The following ITPR3 variants were observed in gnomAD, a reference collection of about 807,000 sequenced individuals.
ITPR3 encodes the protein inositol 1,4,5-trisphosphate receptor type 3, also known as inositol 1,4,5-trisphosphate-gated calcium channel ITPR3.
In ITPR3, 173 loss-of-function variants were observed where a neutral mutation model predicts 293.2. That is an observed-to-expected ratio of 0.59 (90% CI 0.52 to 0.67). The LOEUF is 0.67. ITPR3 is among the 30% of genes least tolerant of loss of function. The pLI is 0.00. For synonymous variants in ITPR3, 1,295 were observed against 1,444.4 expected, an observed-to-expected ratio of 0.90 and a Z score of 2.35; for missense variants, 2,796 against 3,592.1, an observed-to-expected ratio of 0.78 and a Z score of 5.66.
chr6:33,671,053 C>A (rs1764747610), intron 20 of ITPR3, 112 bp from the exon 21 acceptor site: 2 of 1,521,866 alleles, frequency 1.3e-6, no homozygotes, highest in South Asian at 1.2e-5. Context: ...GGAACCCCGT[C>A]CTCATGACGC....
In ITPR3 at chr6:33,678,492, C is replaced by G; in HGVS notation, c.3720C>G (p.Pro1240=). The part of the protein sequence containing the change: ...QFLQKFCAGN[P]GNQALLHKHL... The stretch of plus-strand genomic sequence containing the variant: ...TGCAGAAGTTCTGTGCAGGGAACCC[C>G]GGCAACCAGGCCCTGCTGCACAAAC... Residue 1240 remains proline (P), a synonymous_variant, in exon 29 of 58, where the codon CCC becomes CCG. Coordinates refer to ENST00000605930, the MANE Select transcript of ITPR3 (RefSeq NM_002224.4). The G allele has an allele frequency of 6.2e-7, 1 of 1,613,308 alleles. No individual in the cohort carries two copies. Among genetic ancestry groups the G allele is most frequent in the Non-Finnish European group, 8.5e-7 (1 of 1,179,942 alleles).
Position 33,638,582 on chromosome 6 carries a change from A to G in ITPR3, c.90-1902A>G, listed in dbSNP as rs1763876998. 6.6e-6 allele frequency among the ~76,000 whole-genome samples: 1 copy of G among 152,264 alleles called. No individual in the cohort carries two copies. The highest frequency in any genetic ancestry group is 2.1e-4 in the South Asian group (1 of 4,834). ...TTTCAGGAACTGCATACAAAAATCT[A>G]AACATTGTAACTCTTCTTGCCTTTA... On this transcript the variant is annotated intron_variant, in intron 1 of 57. Transcript: ENST00000605930. This position sits in a 1 kb window ranked among gnomAD's most constrained non-coding sequence, Gnocchi z 4.3.
chr6:33,642,904 C>T (rs752425744), intron 2 of ITPR3, among the ~76,000 whole-genome samples: 6 of 152,236 alleles, frequency 3.9e-5, no homozygotes, highest in Non-Finnish European at 8.8e-5. Flanking sequence ...TCTGGACTCC[C>T]TATGGCCCTG....
chr6:33,686,860 C>T, intron 43 of ITPR3, 149 bp from the exon 44 acceptor site: 1 of 679,378 alleles, frequency 1.5e-6, no homozygotes, highest in Non-Finnish European at 2.5e-6. Flanking sequence ...GGATGCTTCT[C>T]ATTAAGCCGG....
At position 33,685,536 on chromosome 6, in the gene ITPR3, C is replaced by T; in HGVS notation, c.5482+3C>T. ...GCCAGTCGACCCCACCACCAAAGGTCAGGGGTCTGAGGCAGAGGCACGGCG... is the reference window on the plus strand; with the variant it reads ...GCCAGTCGACCCCACCACCAAAGGTTAGGGGTCTGAGGCAGAGGCACGGCG... On this transcript the variant is annotated splice_donor_region_variant and intron_variant, in intron 40 of 57. Transcript: ENST00000605930. The T allele has an allele frequency of 2.5e-6, 4 of 1,612,272 alleles. No individual in the cohort carries two copies. Among genetic ancestry groups the T allele is most frequent in the Non-Finnish European group, 3.4e-6 (4 of 1,178,630 alleles).
In ITPR3 at chr6:33,621,845, A is replaced by T. The variant is rs1456520225; in HGVS notation, c.89+154A>T. Reference sequence around the variant, plus strand: ...AACGGCTCGCCTCCTTCTTTTACAGAAAGGAAGTGAAGTGTTTGCTCAGGT... The same window carrying T: ...AACGGCTCGCCTCCTTCTTTTACAGTAAGGAAGTGAAGTGTTTGCTCAGGT... On this transcript the variant is annotated intron_variant, in intron 1 of 57. Transcript: ENST00000605930. The surrounding 1 kb of genome is among the most constrained non-coding windows in gnomAD (Gnocchi z 7.7). Among the ~76,000 whole-genome samples, 1 of 152,074 alleles carries T rather than the reference A, an allele frequency of 6.6e-6. No homozygotes were observed. Among genetic ancestry groups the T allele is most frequent in the Non-Finnish European group, 1.5e-5 (1 of 67,992 alleles).
rs1268803738 is a variant in ITPR3 at position 33,683,341 on chromosome 6, C to T, written c.4732C>T (p.Arg1578Cys). Reference protein sequence around the residue: ...SYKATTRAFPRVTPTANQWDY... With the variant: ...SYKATTRAFPCVTPTANQWDY... ...CAAGGCAACCACGCGGGCCTTCCCCCGCGTCACCCCCACCGCCAACCAGTG... is the reference window on the plus strand; with the variant it reads ...CAAGGCAACCACGCGGGCCTTCCCCTGCGTCACCCCCACCGCCAACCAGTG... The change falls in exon 35 of 58, where the codon CGC (arginine) becomes TGC (cysteine). Residue 1578 changes from arginine (R) to cysteine (C), a missense_variant. Physicochemically the swap from Arg to Cys is radical, Grantham distance 180. Coordinates refer to ENST00000605930, the MANE Select transcript of ITPR3 (RefSeq NM_002224.4). The surrounding 1 kb of genome is among the most constrained non-coding windows in gnomAD (Gnocchi z 4.5). 1.9e-6 allele frequency: 3 copies of T among 1,595,634 alleles called. No individual in the cohort carries two copies. The highest frequency in any genetic ancestry group is 1.7e-6 in the Non-Finnish European group (2 of 1,171,754).
In ITPR3 at chr6:33,658,894, G is replaced by A; in HGVS notation, c.528+66G>A. 3.1e-6 allele frequency: 5 copies of A among 1,604,776 alleles called. No homozygotes were observed. The highest frequency in any genetic ancestry group is 3.4e-6 in the Non-Finnish European group (4 of 1,173,586). On this transcript the variant is annotated intron_variant, in intron 5 of 57. Coordinates refer to ENST00000605930, the MANE Select transcript of ITPR3 (RefSeq NM_002224.4). This position sits in a 1 kb window ranked among gnomAD's most constrained non-coding sequence, Gnocchi z 6.1. ...CCGAGGGGCTTCTGTAGGGTCTTCG[G>A]TGTGGGGACTGGATAAGGGCATGCC... is the stretch of plus-strand genomic sequence containing the variant.
rs931839864 is a variant in ITPR3 at position 33,638,554 on chromosome 6, C to G, written c.90-1930C>G. On this transcript the variant is annotated intron_variant, in intron 1 of 57. Coordinates refer to ENST00000605930, the MANE Select transcript of ITPR3 (RefSeq NM_002224.4). The surrounding 1 kb of genome is among the most constrained non-coding windows in gnomAD (Gnocchi z 4.3). ...CCATTTCATCTTTATTGCTTCCGAT[C>G]TATTTCAGGAACTGCATACAAAAAT... Among the ~76,000 whole-genome samples the G allele has an allele frequency of 1.3e-5, 2 of 152,232 alleles. No homozygotes were observed. The highest frequency in any genetic ancestry group is 4.8e-5 in the African/African-American group (2 of 41,464).
intron 2 of ITPR3, among the ~76,000 whole-genome samples, chr6:33,645,925 C>T (rs1764055260): frequency 6.6e-6 from 1 of 152,050 alleles, no homozygotes; most frequent in Non-Finnish European, 1.5e-5. Flanking sequence ...GCAACCTCTG[C>T]CTCCTGGATT....
rs558908680 is a variant in ITPR3 at position 33,673,461 on chromosome 6, C to A, written c.2929-130C>A. The A allele has an allele frequency of 1.0e-4, 118 of 1,167,172 alleles. 1 individual carries two copies. In the South Asian group the frequency reaches 1.0e-3, roughly 10 times the overall value. 72.3% of individuals were successfully genotyped at this position (1,167,172 alleles called of 1,614,324 possible). ...GCATCCCAAATGACTGTGCTGAGGA[C>A]CCTGCTGCCCCAAGTGCTAGAGCCT... is the stretch of plus-strand genomic sequence containing the variant. On this transcript the variant is annotated intron_variant, in intron 22 of 57. Coordinates refer to ENST00000605930, the MANE Select transcript of ITPR3 (RefSeq NM_002224.4).
chr6:33,695,178 A>C, intron 57 of ITPR3, 93 bp downstream of exon 57: 3 of 1,387,308 alleles, frequency 2.2e-6, no homozygotes, highest in Non-Finnish European at 3.0e-6. Flanking sequence ...CCTCTTCCCC[A>C]CTGGCCTCTG....
rs769011935 is a variant in ITPR3 at position 33,685,517 on chromosome 6, C to T, written c.5466C>T (p.Val1822=). Residue 1822 remains valine, a synonymous_variant, in exon 40 of 58, where the codon GTC becomes GTT. Coordinates refer to ENST00000605930, the MANE Select transcript of ITPR3 (RefSeq NM_002224.4). ...GSQPHEDREP[V]DPTTKGRVAS... ...AGCCACATGAGGACCGCGAGCCAGT[C>T]GACCCCACCACCAAAGGTCAGGGGT... 9 of 1,613,278 alleles carry T rather than the reference C, an allele frequency of 5.6e-6. No individual in the cohort carries two copies. Among genetic ancestry groups the T allele is most frequent in the East Asian group, 4.5e-5 (2 of 44,856 alleles).
In ITPR3 at chr6:33,632,306, C is replaced by T. The variant is rs976543445; in HGVS notation, c.90-8178C>T. Among the ~76,000 whole-genome samples the T allele has an allele frequency of 2.6e-5, 4 of 152,178 alleles. No homozygotes were observed. Among genetic ancestry groups the T allele is most frequent in the African/African-American group, 7.2e-5 (3 of 41,436 alleles). On this transcript the variant is annotated intron_variant, in intron 1 of 57. Transcript: ENST00000605930. The surrounding 1 kb of genome is among the most constrained non-coding windows in gnomAD (Gnocchi z 4.1). ...GTCATTCCCCCAGTCTGTCATTCCC[C>T]CTCCCATGGTGCTCTGATGGTGGCC...
intron 1 of ITPR3, among the ~76,000 whole-genome samples, chr6:33,626,892 G>C (rs1308195234): frequency 6.6e-6 from 1 of 152,088 alleles, no homozygotes; most frequent in East Asian, 1.9e-4. Context: ...CACAACCTTC[G>C]CCTCCCAGGT....
chr6:33,684,748 C>T lies in ITPR3; in HGVS notation c.5138-26C>T, dbSNP rs1227143315. The T allele has an allele frequency of 1.9e-6, 3 of 1,609,930 alleles. No individual in the cohort carries two copies. Among genetic ancestry groups the T allele is most frequent in the Non-Finnish European group, 2.5e-6 (3 of 1,177,230 alleles). ...CTTCCACTCTCCTGTCACACCAGCT[C>T]TCCCTCAACCGAGTCCCGCCTCCAG... On this transcript the variant is annotated intron_variant, in intron 38 of 57. Transcript: ENST00000605930. This position sits in a 1 kb window ranked among gnomAD's most constrained non-coding sequence, Gnocchi z 4.2.
At position 33,621,353 on chromosome 6, in the gene ITPR3, G is replaced by T. The variant is rs1462393777; in HGVS notation, c.-250G>T. The stretch of plus-strand genomic sequence containing the variant: ...CCTGCTCCTTCTACGCTGCAGGTAC[G>T]CGCGGGCCGGGCGGGGCGGGCGGGC... On this transcript the variant is annotated 5_prime_UTR_variant, in exon 1 of 58. Coordinates refer to ENST00000605930, the MANE Select transcript of ITPR3 (RefSeq NM_002224.4). The surrounding 1 kb of genome is among the most constrained non-coding windows in gnomAD (Gnocchi z 7.7). 1.3e-5 allele frequency: 3 copies of T among 225,912 alleles called. No individual in the cohort carries two copies. Among genetic ancestry groups the T allele is most frequent in the South Asian group, 3.2e-4 (2 of 6,312 alleles). 14.0% of individuals were successfully genotyped at this position (225,912 alleles called of 1,614,324 possible). A position where few individuals can be genotyped will look rare whatever the true frequency, so the allele number is the denominator to read the frequency against.
In ITPR3 at chr6:33,674,237, G is replaced by C; in HGVS notation, c.3088G>C (p.Glu1030Gln). The stretch of plus-strand genomic sequence containing the variant: ...CAACATGAACCTGGATCGCATCGGG[G>C]AGCAGGCGGAGGCCATGTTTGGAGT... Reference protein sequence around the residue: ...TANMNLDRIGEQAEAMFGVGK... With the variant: ...TANMNLDRIGQQAEAMFGVGK... Residue 1030 changes from glutamate to glutamine, a missense_variant, in exon 24 of 58, where the codon GAG becomes CAG. Transcript: ENST00000605930. 1 of 1,614,136 alleles carries C rather than the reference G, an allele frequency of 6.2e-7. No individual in the cohort carries two copies. Among genetic ancestry groups the C allele is most frequent in the East Asian group, 2.2e-5 (1 of 44,884 alleles).
At position 33,690,958 on chromosome 6, in the gene ITPR3, C is replaced by G. The variant is rs142885789; in HGVS notation, c.7074C>G (p.Val2358=). The part of the protein sequence containing the change: ...LIYREETLFN[V]IKSVTRNGRS... ...ACCGCGAGGAGACGCTGTTCAACGTCATCAAGAGTGTGACCCGCAATGGCC... is the reference window on the plus strand; with the variant it reads ...ACCGCGAGGAGACGCTGTTCAACGTGATCAAGAGTGTGACCCGCAATGGCC... The change falls in exon 52 of 58, where the codon GTC becomes GTG. Residue 2358 remains valine (V), a synonymous_variant. Transcript: ENST00000605930. 3 of 1,614,108 alleles carry G rather than the reference C, an allele frequency of 1.9e-6. No individual in the cohort carries two copies. The African/African-American group carries it at 4.0e-5, about 22-fold the overall frequency.
Sources: allele counts gnomAD v4.1 joint callset (sites outside exome capture counted in the v4.1 genomes callset), GRCh38; gene constraint gnomAD v4.1.1; non-coding constraint Gnocchi (gnomAD v3.1); transcripts MANE v1.5; gene names NCBI Gene and HGNC (gene_info 2026-07-23, HGNC 2026-07-21).